Variants in ESR1 observed in about 807,000 individuals in gnomAD.
ESR1 encodes the protein estrogen receptor 1.
ESR1 carries 12 observed loss-of-function variants against 52.7 expected under a neutral mutation model. That is an observed-to-expected ratio of 0.23 (90% CI 0.15 to 0.37). ESR1 has a LOEUF of 0.37. ESR1 is among the 10% of genes least tolerant of loss of function. The probability of loss-of-function intolerance (pLI) is 1.00; values close to 1 mark genes in which losing one functional copy is unlikely to be tolerated. For missense variants in ESR1, 584 were observed against 779.7 expected (o/e 0.75, Z 2.99); for synonymous variants, 305 against 316.8 (o/e 0.96, Z 0.39).
intron 2 of ESR1, among the ~76,000 whole-genome samples, chr6:151,782,452 GTTTT>G (rs1047426327): frequency 6.6e-6 from 1 of 152,100 alleles, no homozygotes; most frequent in Non-Finnish European, 1.5e-5. Context: ...AAGTGTTTGG[GTTTT>G]TTAAGTTTGC....
chr6:151,992,698 G>GGAT (rs2041137599), intron 4 of ESR1, among the ~76,000 whole-genome samples: 1 of 152,058 alleles, frequency 6.6e-6, no homozygotes, highest in Non-Finnish European at 1.5e-5. Context: ...TGAAGCATGT[G>GGAT]GATTTGCTTC....
intron 3 of ESR1, among the ~76,000 whole-genome samples, chr6:151,920,263 T>C (rs912619869): frequency 4.6e-5 from 7 of 151,984 alleles, no homozygotes; most frequent in Middle Eastern, 3.4e-3. Context: ...GTAAAACTAA[T>C]TTTAATATTA....
At chr6:152,097,665 T>C (rs921851172) in intron 7 of ESR1, among the ~76,000 whole-genome samples, 1 of 152,180 alleles carries the variant, frequency 6.6e-6, no homozygotes, top group Non-Finnish European at 1.5e-5. Flanking sequence ...TTGTGGCTAG[T>C]GGAGGAGAGC....
At chr6:152,003,209 T>G (rs1158849370) in intron 4 of ESR1, among the ~76,000 whole-genome samples, 3 of 151,922 alleles carry the variant, frequency 2.0e-5, no homozygotes, top group Admixed American at 2.0e-4. Flanking sequence ...TCCTCAAATC[T>G]GAAAGTCTTG....
intron 5 of ESR1, among the ~76,000 whole-genome samples, chr6:152,043,479 A>T (rs898100646): frequency 6.6e-6 from 1 of 152,192 alleles, no homozygotes; most frequent in East Asian, 1.9e-4. Flanking sequence ...TGTGGGTCAC[A>T]TTCTGAACCT....
intron 2 of ESR1, among the ~76,000 whole-genome samples, chr6:151,767,848 C>A (rs1239229777): frequency 6.6e-6 from 1 of 152,154 alleles, no homozygotes; most frequent in Non-Finnish European, 1.5e-5. Flanking sequence ...AAGCAAAGAA[C>A]CTGCAGAATA....
intron 4 of ESR1, among the ~76,000 whole-genome samples, chr6:151,964,357 T>C (rs2038014838): frequency 6.6e-6 from 1 of 152,146 alleles, no homozygotes. Context: ...TTTATCTGTG[T>C]TCTGTAGTTT....
At chr6:152,072,254 C>T (rs2048412286) in intron 6 of ESR1, among the ~76,000 whole-genome samples, 1 of 152,226 alleles carries the variant, frequency 6.6e-6, no homozygotes, top group Non-Finnish European at 1.5e-5. Context: ...GTGACCTGCA[C>T]TGACACAATG....
At chr6:151,689,651 TGTACTGG>T (rs1165706760), upstream of ESR1, among the ~76,000 whole-genome samples, 1 of 152,194 alleles carries the variant, frequency 6.6e-6, no homozygotes, top group Non-Finnish European at 1.5e-5. Flanking sequence ...GGTGTTCCTC[TGTACTGG>T]GTACTGGGAC....
intron 6 of ESR1, among the ~76,000 whole-genome samples, chr6:152,064,097 C>T (rs1006294161): frequency 4.6e-5 from 7 of 152,208 alleles, no homozygotes; most frequent in Admixed American, 6.5e-5. Flanking sequence ...TGCAAAAACC[C>T]GGAATCATCC....
intron 1 of ESR1, among the ~76,000 whole-genome samples, chr6:151,674,286 G>A (rs1314413248): frequency 3.3e-5 from 5 of 152,132 alleles, no homozygotes; most frequent in African/African-American, 1.2e-4. Context: ...GCAGTGGTTG[G>A]TTTTCTGTTC....
chr6:151,986,291 T>A (rs897146531), intron 4 of ESR1, among the ~76,000 whole-genome samples: 1 of 152,162 alleles, frequency 6.6e-6, no homozygotes, highest in Non-Finnish European at 1.5e-5. Flanking sequence ...TCAAAATTAG[T>A]GCAAAAATTT....
intron 5 of ESR1, among the ~76,000 whole-genome samples, chr6:152,042,651 G>A (rs1321814611): frequency 3.3e-5 from 5 of 152,106 alleles, no homozygotes; most frequent in Non-Finnish European, 5.9e-5. Context: ...ATTGATTGAG[G>A]GGCCGTGATT....
At chr6:151,720,943 C>T (rs1367871815) in intron 2 of ESR1, among the ~76,000 whole-genome samples, 1 of 152,156 alleles carries the variant, frequency 6.6e-6, no homozygotes, top group Non-Finnish European at 1.5e-5. Context: ...AAGTGTCAGA[C>T]ACTATGGTAG....
At chr6:151,850,078 AATT>A (rs1293892865) in intron 2 of ESR1, among the ~76,000 whole-genome samples, 2 of 13,464 alleles carry the variant, frequency 1.5e-4, no homozygotes, top group African/African-American at 2.1e-4. Flanking sequence ...ATATATAAAA[AATT>A]ATATATATAT....
At position 151,920,523 on chromosome 6, in the gene ESR1, T is replaced by C. The variant is rs564178688; in HGVS notation, c.761-23650T>C. Among the ~76,000 whole-genome samples the C allele has an allele frequency of 1.2e-4, 19 of 152,282 alleles. No homozygotes were observed. In the South Asian group the frequency reaches 3.7e-3, roughly 30 times the overall value. ...TCAGATTTTCTAAGTTTTCCTCTAA[T>C]GTTCTTTTTCTGTCCCAGGACCCCA... On this transcript the variant is annotated intron_variant, in intron 3 of 7. Coordinates refer to ENST00000206249, the MANE Select transcript of ESR1 (RefSeq NM_000125.4).
chr6:152,108,535 G>C (rs2051094664), intron 6 of ESR1, among the ~76,000 whole-genome samples: 1 of 152,148 alleles, frequency 6.6e-6, no homozygotes. Context: ...CTCAGCCATA[G>C]CTGGGGATCT....
chr6:151,732,534 T>TTGTGTG (rs3036504), intron 2 of ESR1, among the ~76,000 whole-genome samples: 1,910 of 148,738 alleles, frequency 0.013, 21 homozygotes, highest in African/African-American at 0.027. Context: ...GTGTGTGTGT[T>TTGTGTG]TGTGTGTGTG....
At chr6:152,087,233 G>A (rs2049799316) in intron 6 of ESR1, among the ~76,000 whole-genome samples, 1 of 152,122 alleles carries the variant, frequency 6.6e-6, no homozygotes, top group Non-Finnish European at 1.5e-5. Context: ...ACAAAGTGTG[G>A]CAGTATTGGC....
Sources: gnomAD v4.1 joint callset for allele counts (sites outside exome capture counted in the v4.1 genomes callset) on GRCh38, gnomAD v4.1.1 for gene constraint, MANE v1.5 for transcripts, NCBI Gene and HGNC (gene_info 2026-07-23, HGNC 2026-07-21) for gene names.